The following PROS1 variants were observed in gnomAD, a reference collection of about 807,000 sequenced individuals.
The protein encoded by PROS1 is vitamin K-dependent protein S.
In PROS1, 29 loss-of-function variants were observed where a neutral mutation model predicts 75.9. That is an observed-to-expected ratio of 0.38 (90% CI 0.28 to 0.52). The LOEUF (loss-of-function observed/expected upper bound fraction) is 0.52, where lower values mean the gene tolerates loss of function less well. Among genes scored for constraint, PROS1 ranks in the 20% least tolerant of loss-of-function variants. PROS1 has a pLI of 0.83. For synonymous variants in PROS1, 245 were observed against 280.6 expected (o/e 0.87, Z 1.27); for missense variants, 680 against 810.3 (o/e 0.84, Z 1.95).
At chr3:93,949,360 T>C (rs977672097) in intron 1 of PROS1, among the ~76,000 whole-genome samples, 5 of 152,204 alleles carry the variant, frequency 3.3e-5, no homozygotes, top group African/African-American at 1.2e-4. Context: ...ACTTACCACA[T>C]TTGGCAGGAT....
chr3:93,901,516 C>A (rs762192554), intron 6 of PROS1, among the ~76,000 whole-genome samples: 5 of 151,954 alleles, frequency 3.3e-5, no homozygotes, highest in Non-Finnish European at 7.4e-5. Flanking sequence ...ATATTGTTAG[C>A]AATTAGTTAC....
At chr3:93,901,838 G>A (rs1020616446) in intron 6 of PROS1, among the ~76,000 whole-genome samples, 12 of 152,280 alleles carry the variant, frequency 7.9e-5, no homozygotes, top group Non-Finnish European at 1.3e-4. Flanking sequence ...ACCACTAAGG[G>A]AAAATGGGGT....
At chr3:93,934,463 C>T (rs1411866287) in intron 1 of PROS1, among the ~76,000 whole-genome samples, 1 of 152,134 alleles carries the variant, frequency 6.6e-6, no homozygotes, top group Non-Finnish European at 1.5e-5. Context: ...TTTTGTATCA[C>T]ATTGAGGATT....
intron 1 of PROS1, among the ~76,000 whole-genome samples, chr3:93,970,202 A>G (rs1256834250): frequency 6.6e-6 from 1 of 152,210 alleles, no homozygotes; most frequent in Non-Finnish European, 1.5e-5. Flanking sequence ...TAGTGTCTAG[A>G]GTAGCCTGCA....
chr3:93,888,782 C>A (rs1304515560), intron 10 of PROS1, among the ~76,000 whole-genome samples: 1 of 152,184 alleles, frequency 6.6e-6, no homozygotes, highest in Non-Finnish European at 1.5e-5. Context: ...GTTATACACT[C>A]ATTCTCCACT....
chr3:93,959,537 T>A (rs1709668501), intron 1 of PROS1, among the ~76,000 whole-genome samples: 1 of 152,152 alleles, frequency 6.6e-6, no homozygotes, highest in African/African-American at 2.4e-5. Flanking sequence ...CTGCAAAAAT[T>A]TGTTCACTTA....
At chr3:93,971,407 A>G (rs1346120940) in intron 1 of PROS1, among the ~76,000 whole-genome samples, 1 of 151,222 alleles carries the variant, frequency 6.6e-6, no homozygotes, top group Non-Finnish European at 1.5e-5. Flanking sequence ...AAATAATTCT[A>G]AATAAAGAAC....
chr3:93,901,609 ACT>A (rs1203056561), intron 6 of PROS1, among the ~76,000 whole-genome samples: 5 of 152,330 alleles, frequency 3.3e-5, no homozygotes, highest in African/African-American at 1.2e-4. Flanking sequence ...TATTCTGTGT[ACT>A]CTCTGGAGAA....
chr3:93,902,844 C>T (rs1214535021), intron 6 of PROS1, among the ~76,000 whole-genome samples: 1 of 151,964 alleles, frequency 6.6e-6, no homozygotes, highest in Non-Finnish European at 1.5e-5. Flanking sequence ...ACCATTTCTA[C>T]ATCTTGGCAA....
At chr3:93,875,839 C>T (rs1334666193) in intron 14 of PROS1, among the ~76,000 whole-genome samples, 1 of 152,136 alleles carries the variant, frequency 6.6e-6, no homozygotes, top group Non-Finnish European at 1.5e-5. Flanking sequence ...TCAGAATTCT[C>T]CCCATGAGAA....
rs1481212208 is a variant in PROS1, at chr3:93,949,931, G to A, written c.77-22524C>T. ...AGGGGTCGGGGAATTCCCTTTCCTAGCCAGGGGAAGCCATGACAGACAGTA... is the reference window on the plus strand; with the variant it reads ...AGGGGTCGGGGAATTCCCTTTCCTAACCAGGGGAAGCCATGACAGACAGTA... On this transcript the variant is annotated intron_variant, in intron 1 of 14. Coordinates refer to ENST00000394236, the MANE Select transcript of PROS1 (RefSeq NM_000313.4). Among the ~76,000 whole-genome samples, 5 of 152,300 alleles carry A rather than the reference G, an allele frequency of 3.3e-5. No individual in the cohort carries two copies. In the East Asian group the frequency reaches 9.7e-4, roughly 29 times the overall value.
intron 1 of PROS1, among the ~76,000 whole-genome samples, chr3:93,931,481 T>G (rs546634678): frequency 2.0e-5 from 3 of 152,238 alleles, no homozygotes; most frequent in Non-Finnish European, 4.4e-5. Context: ...CAGCTTCATG[T>G]TGATGCCATT....
chr3:93,922,783 T>A (rs1318422259), intron 3 of PROS1, among the ~76,000 whole-genome samples: 1 of 152,108 alleles, frequency 6.6e-6, no homozygotes, highest in African/African-American at 2.4e-5. Context: ...TTTTTAAAAA[T>A]TGTTTTTAAC....
chr3:93,908,387 A>T (rs1317615691), intron 4 of PROS1, among the ~76,000 whole-genome samples: 1 of 152,220 alleles, frequency 6.6e-6, no homozygotes, highest in Admixed American at 6.5e-5. Flanking sequence ...AAACACAAAC[A>T]GATCCCAGTG....
intron 10 of PROS1, among the ~76,000 whole-genome samples, chr3:93,890,192 C>A (rs1411109163): frequency 2.6e-5 from 4 of 152,176 alleles, no homozygotes; most frequent in Middle Eastern, 3.4e-3. Context: ...GGGGAAAAAA[C>A]CCCACCCTGG....
intron 6 of PROS1, among the ~76,000 whole-genome samples, chr3:93,901,301 T>C (rs1176821615): frequency 2.0e-5 from 3 of 152,234 alleles, no homozygotes; most frequent in Non-Finnish European, 2.9e-5. Context: ...CTCTTCTATC[T>C]TGTTTCTTTG....
At chr3:93,929,941 G>C (rs935149153) in intron 1 of PROS1, among the ~76,000 whole-genome samples, 2 of 151,670 alleles carry the variant, frequency 1.3e-5, no homozygotes, top group Admixed American at 6.6e-5. Context: ...TTATTACCTG[G>C]TAAACAATAA....
chr3:93,890,144 G>A (rs1452235231), intron 10 of PROS1, among the ~76,000 whole-genome samples: 3 of 152,244 alleles, frequency 2.0e-5, no homozygotes, highest in Middle Eastern at 3.4e-3. Flanking sequence ...ACTGAAATAC[G>A]CCCGGGTCTC....
At chr3:93,874,885 A>AT (rs1412492354) in intron 14 of PROS1, among the ~76,000 whole-genome samples, 3 of 152,034 alleles carry the variant, frequency 2.0e-5, no homozygotes, top group Non-Finnish European at 4.4e-5. Context: ...CAAAGAAACA[A>AT]TTTTTTTGTT....
Sources: allele counts gnomAD v4.1 joint callset (sites outside exome capture counted in the v4.1 genomes callset), GRCh38; gene constraint gnomAD v4.1.1; transcripts MANE v1.5; gene names NCBI Gene and HGNC (gene_info 2026-07-23, HGNC 2026-07-21).